The following IL31RA variants were observed in gnomAD, a reference collection of about 807,000 sequenced individuals.
IL31RA encodes the protein interleukin-31 receptor subunit alpha.
A neutral mutation model predicts 83.7 loss-of-function variants in IL31RA; 66 were observed. The ratio of observed to expected loss-of-function variants is 0.79; its 90% CI spans 0.65 to 0.97. The LOEUF is 0.97. IL31RA is among the 50% of genes least tolerant of loss of function. The pLI is 0.00. For missense variants in IL31RA, 798 were observed against 919.4 expected, an observed-to-expected ratio of 0.87 and a Z score of 1.71; for synonymous variants, 325 against 329.0, an observed-to-expected ratio of 0.99 and a Z score of 0.13.
At chr5:55,910,422 G>A (rs1297170339) in intron 11 of IL31RA, 110 bp from the exon 12 acceptor site, 1 of 1,216,258 alleles carries the variant, frequency 8.2e-7, no homozygotes, top group Non-Finnish European at 1.2e-6. Flanking sequence ...CAGAATATGA[G>A]ACAGCTGAGC....
intron 2 of IL31RA, among the ~76,000 whole-genome samples, chr5:55,864,860 C>G (rs560410133): frequency 2.8e-4 from 42 of 151,862 alleles, no homozygotes; most frequent in Admixed American, 6.6e-4. Flanking sequence ...ACACACATAC[C>G]CCACACACAT....
chr5:55,886,898 G>A (rs557440720), intron 5 of IL31RA, among the ~76,000 whole-genome samples: 1 of 152,302 alleles, frequency 6.6e-6, no homozygotes, highest in South Asian at 2.1e-4. Flanking sequence ...CTGAGGGCCT[G>A]GGCCTGGTCC....
chr5:55,864,850 A>T (rs1745941723), intron 2 of IL31RA, among the ~76,000 whole-genome samples: 1 of 151,360 alleles, frequency 6.6e-6, no homozygotes, highest in African/African-American at 2.4e-5. Flanking sequence ...CACACACATC[A>T]CACACATACC....
chr5:55,918,359 C>T lies in IL31RA; in HGVS notation c.*1239C>T, dbSNP rs972257407. 6.6e-6 allele frequency among the ~76,000 whole-genome samples: 1 copy of T among 152,182 alleles called. No individual in the cohort carries two copies. Among genetic ancestry groups the T allele is most frequent in the Non-Finnish European group, 1.5e-5 (1 of 68,018 alleles). On this transcript the variant is annotated 3_prime_UTR_variant, in exon 15 of 15. Transcript: ENST00000652347. ...GTACTAGGATTGCAGGCATGAACTTCGCAAGCCACCCACTCAGGTGTGCAA... is the reference window on the plus strand; with the variant it reads ...GTACTAGGATTGCAGGCATGAACTTTGCAAGCCACCCACTCAGGTGTGCAA...
At chr5:55,852,782 G>C (rs144917487) in intron 1 of IL31RA, among the ~76,000 whole-genome samples, 1 of 152,222 alleles carries the variant, frequency 6.6e-6, no homozygotes, top group Non-Finnish European at 1.5e-5. Flanking sequence ...GAAACTGAGA[G>C]TCAGGCTGCC....
chr5:55,922,580 A>C lies in IL31RA; in HGVS notation c.*5460A>C, dbSNP rs182826999. 6.1e-4 allele frequency: 385 copies of C among 633,238 alleles called. 7 individuals are homozygous for C. The East Asian group carries it at 0.011, about 17-fold the overall frequency. 39.2% of individuals were successfully genotyped at this position (633,238 alleles called of 1,614,324 possible). ...ATGTGGTCTTTTCCACACATGGACC[A>C]CCTACGGATGCAATCTGTAATGCAT... On this transcript the variant is annotated 3_prime_UTR_variant, in exon 15 of 15. Transcript: ENST00000652347.
chr5:55,868,381 C>T (rs1413703741), intron 2 of IL31RA, among the ~76,000 whole-genome samples: 1 of 152,194 alleles, frequency 6.6e-6, no homozygotes, highest in Non-Finnish European at 1.5e-5. Flanking sequence ...ATTGTTGATA[C>T]ATATGGTTGA....
At chr5:55,866,195 C>T (rs1174051450) in intron 2 of IL31RA, among the ~76,000 whole-genome samples, 1 of 152,162 alleles carries the variant, frequency 6.6e-6, no homozygotes, top group Non-Finnish European at 1.5e-5. Flanking sequence ...CTGCATAGAG[C>T]TCACATGAGG....
chr5:55,851,739 A>G, intron 1 of IL31RA, 106 bp downstream of exon 1: 3 of 1,608,618 alleles, frequency 1.9e-6, no homozygotes, highest in Non-Finnish European at 2.5e-6. Context: ...CTAGTGTCTC[A>G]AATCCTGAGC....
intron 5 of IL31RA, among the ~76,000 whole-genome samples, chr5:55,888,360 C>A (rs560120119): frequency 6.6e-6 from 1 of 152,156 alleles, no homozygotes; most frequent in Non-Finnish European, 1.5e-5. Flanking sequence ...AAAGACTGAG[C>A]AGCCGTTTCA....
At chr5:55,899,001 G>A (rs1252767499) in intron 7 of IL31RA, among the ~76,000 whole-genome samples, 1 of 152,118 alleles carries the variant, frequency 6.6e-6, no homozygotes, top group East Asian at 1.9e-4. Context: ...TCCAGCCTGG[G>A]CGACAGAGAG....
At chr5:55,883,521 C>T (rs925969719) in intron 5 of IL31RA, among the ~76,000 whole-genome samples, 2 of 152,014 alleles carry the variant, frequency 1.3e-5, no homozygotes, top group African/African-American at 4.8e-5. Flanking sequence ...TTTTATTTTT[C>T]TGACCTTTTA....
At chr5:55,897,832 G>A (rs1230806642) in intron 7 of IL31RA, among the ~76,000 whole-genome samples, 3 of 152,198 alleles carry the variant, frequency 2.0e-5, no homozygotes, top group Non-Finnish European at 4.4e-5. Flanking sequence ...GAATTCCTTC[G>A]TGTGCCTCCA....
intron 4 of IL31RA, among the ~76,000 whole-genome samples, chr5:55,878,117 C>A (rs1746972045): frequency 1.3e-5 from 2 of 152,230 alleles, no homozygotes; most frequent in East Asian, 3.9e-4. Flanking sequence ...TACTGCTGAA[C>A]CCCTGTAGTG....
rs1746368735 is a variant in IL31RA at position 55,869,255 on chromosome 5, A to G, written c.272+347A>G. Among the ~76,000 whole-genome samples the G allele has an allele frequency of 2.0e-5, 3 of 152,180 alleles. No individual in the cohort carries two copies. In the South Asian group the frequency reaches 6.2e-4, roughly 32 times the overall value. Reference sequence around the variant, plus strand: ...CTTTCTGGATCCAGATATAGTAAGTAAGGTTGTAAACCCAGAACTAACAGG... The same window carrying G: ...CTTTCTGGATCCAGATATAGTAAGTGAGGTTGTAAACCCAGAACTAACAGG... On this transcript the variant is annotated intron_variant, in intron 3 of 14. Transcript: ENST00000652347.
At chr5:55,901,178 T>G (rs1748780115) in intron 8 of IL31RA, among the ~76,000 whole-genome samples, 1 of 152,230 alleles carries the variant, frequency 6.6e-6, no homozygotes, top group African/African-American at 2.4e-5. Context: ...TAGTTAGCAT[T>G]TAATAGTACT....
chr5:55,845,136 A>G, the IL31RA span, among the ~76,000 whole-genome samples: 1 of 152,246 alleles, frequency 6.6e-6, no homozygotes, highest in African/African-American at 2.4e-5. Flanking sequence ...GTCTCTTTAA[A>G]CTGTGTTTTT....
chr5:55,897,519 C>G (rs1748482673), intron 7 of IL31RA, among the ~76,000 whole-genome samples: 1 of 152,170 alleles, frequency 6.6e-6, no homozygotes, highest in Non-Finnish European at 1.5e-5. Flanking sequence ...TCAGGGTCAG[C>G]TTGCTGGTGT....
At chr5:55,912,370 C>A (rs965335088) in intron 12 of IL31RA, among the ~76,000 whole-genome samples, 1 of 152,208 alleles carries the variant, frequency 6.6e-6, no homozygotes, top group African/African-American at 2.4e-5. Flanking sequence ...ATCTTCCTTA[C>A]CTTGTTGCTG....
Sources: gnomAD v4.1 joint callset for allele counts (sites outside exome capture counted in the v4.1 genomes callset) on GRCh38, gnomAD v4.1.1 for gene constraint, MANE v1.5 for transcripts, NCBI Gene and HGNC (gene_info 2026-07-23, HGNC 2026-07-21) for gene names.